Variants in PKIA observed in about 807,000 individuals in gnomAD.
The protein encoded by PKIA is cAMP-dependent protein kinase inhibitor alpha.
PKIA carries 4 observed loss-of-function variants against 7.6 expected under a neutral mutation model. That is an observed-to-expected ratio of 0.52 (90% CI 0.26 to 1.20). The LOEUF (loss-of-function observed/expected upper bound fraction) is 1.20. Among genes scored for constraint, PKIA ranks in the 50% most tolerant of loss-of-function variants. PKIA has a pLI of 0.13. For missense variants in PKIA, 73 were observed against 86.2 expected, an observed-to-expected ratio of 0.85 and a Z score of 0.61; for synonymous variants, 21 against 30.7, an observed-to-expected ratio of 0.68 and a Z score of 1.04.
intron 1 of PKIA, among the ~76,000 whole-genome samples, chr8:78,546,222 AAAATTGCTTCCCCTGAG>A (rs1294142970): frequency 6.6e-6 from 1 of 152,210 alleles, no homozygotes; most frequent in Non-Finnish European, 1.5e-5. Flanking sequence ...TTTGCCTTGC[AAAATTGCTTCCCCTGAG>A]AAATTGCTTC....
intron 2 of PKIA, among the ~76,000 whole-genome samples, chr8:78,593,510 C>T (rs1340595273): frequency 6.6e-6 from 1 of 152,134 alleles, no homozygotes; most frequent in Non-Finnish European, 1.5e-5. Flanking sequence ...CTCCACCTCT[C>T]CTTAAATATT....
At chr8:78,540,606 C>T (rs774148755) in intron 1 of PKIA, among the ~76,000 whole-genome samples, 2 of 151,980 alleles carry the variant, frequency 1.3e-5, no homozygotes, top group Non-Finnish European at 2.9e-5. Flanking sequence ...GCAACTCCTG[C>T]TCTTTTTCCT....
chr8:78,558,571 G>C (rs1807205009), intron 1 of PKIA: 1 of 152,328 alleles, frequency 6.6e-6, no homozygotes, highest in Non-Finnish European at 1.5e-5. Context: ...TCACTATCAC[G>C]AGAACAGCAC....
At chr8:78,548,569 C>G (rs1489658223) in intron 1 of PKIA, among the ~76,000 whole-genome samples, 1 of 152,010 alleles carries the variant, frequency 6.6e-6, no homozygotes, top group Non-Finnish European at 1.5e-5. Flanking sequence ...GATCTAATAG[C>G]TATGTGTTTG....
At chr8:78,601,677 C>T (rs1808350129) in intron 3 of PKIA, 65 bp from the exon 4 acceptor site, 3 of 1,164,274 alleles carry the variant, frequency 2.6e-6, no homozygotes, top group Non-Finnish European at 3.8e-6. Flanking sequence ...GACATATTGA[C>T]AGTTGGTAAA....
chr8:78,582,345 G>A (rs1183851806), intron 2 of PKIA, among the ~76,000 whole-genome samples: 1 of 151,992 alleles, frequency 6.6e-6, no homozygotes, highest in Admixed American at 6.6e-5. Context: ...TAAAATCATG[G>A]TGGAAGGCAC....
chr8:78,590,315 G>C (rs955296966), intron 2 of PKIA, among the ~76,000 whole-genome samples: 1 of 150,880 alleles, frequency 6.6e-6, no homozygotes, highest in Admixed American at 6.6e-5. Flanking sequence ...AAAAAATTGC[G>C]TGGACAAAAG....
chr8:78,536,688 T>C (rs974262065), intron 1 of PKIA, among the ~76,000 whole-genome samples: 1 of 152,062 alleles, frequency 6.6e-6, no homozygotes, highest in South Asian at 2.1e-4. Context: ...TTTTTGAACT[T>C]TGGGAAAGCA....
intron 2 of PKIA, among the ~76,000 whole-genome samples, chr8:78,580,626 A>C (rs1272241559): frequency 1.3e-5 from 2 of 152,048 alleles, no homozygotes; most frequent in Non-Finnish European, 2.9e-5. Flanking sequence ...GGCCACAGCA[A>C]CCACTCAATA....
intron 1 of PKIA, among the ~76,000 whole-genome samples, chr8:78,522,891 T>C (rs1186083869): frequency 1.3e-5 from 2 of 151,948 alleles, no homozygotes; most frequent in African/African-American, 4.8e-5. Flanking sequence ...CTCTTTAATG[T>C]ATTATTTTTA....
intron 2 of PKIA, among the ~76,000 whole-genome samples, chr8:78,597,590 C>CA (rs147136907): frequency 0.027 from 4,040 of 152,238 alleles, 80 homozygotes; most frequent in African/African-American, 0.054. Context: ...TAGCACCCCC[C>CA]ACCTGATCTC....
chr8:78,534,065 A>G (rs1354605654), intron 1 of PKIA: 1 of 152,140 alleles, frequency 6.6e-6, no homozygotes, highest in Non-Finnish European at 1.5e-5. Flanking sequence ...TAATTATCCA[A>G]CTTTATAGTT....
intron 2 of PKIA, among the ~76,000 whole-genome samples, chr8:78,594,002 A>G (rs558974525): frequency 6.6e-6 from 1 of 152,348 alleles, no homozygotes; most frequent in Non-Finnish European, 1.5e-5. Flanking sequence ...ACATATTCTT[A>G]TTTAACAATG....
intron 1 of PKIA, among the ~76,000 whole-genome samples, chr8:78,545,255 A>G (rs1806792920): frequency 1.3e-5 from 2 of 152,222 alleles, no homozygotes; most frequent in South Asian, 4.1e-4. Context: ...ATCTTTTGGA[A>G]TCTTAGAATT....
intron 2 of PKIA, among the ~76,000 whole-genome samples, chr8:78,579,162 C>T (rs1004262828): frequency 2.0e-5 from 3 of 151,972 alleles, no homozygotes; most frequent in Admixed American, 1.3e-4. Context: ...CGTCTTCACC[C>T]TACAGCAAGC....
intron 2 of PKIA, among the ~76,000 whole-genome samples, chr8:78,576,616 A>G (rs974162698): frequency 1.3e-5 from 2 of 152,012 alleles, no homozygotes; most frequent in Non-Finnish European, 2.9e-5. Flanking sequence ...TTAAAATTTC[A>G]GCACCTGGGT....
chr8:78,540,723 G>C (rs1406412002), intron 1 of PKIA, among the ~76,000 whole-genome samples: 3 of 150,074 alleles, frequency 2.0e-5, no homozygotes, highest in East Asian at 3.9e-4. Context: ...TTTTTTTTTA[G>C]ACATTCTGTA....
At chr8:78,540,807 A>C (rs962591600) in intron 1 of PKIA, among the ~76,000 whole-genome samples, 1 of 151,910 alleles carries the variant, frequency 6.6e-6, no homozygotes, top group East Asian at 1.9e-4. Context: ...TATTACATAT[A>C]ATTATTACAT....
chr8:78,571,880 A>C (rs1807558261), intron 1 of PKIA, among the ~76,000 whole-genome samples: 1 of 152,054 alleles, frequency 6.6e-6, no homozygotes. Flanking sequence ...TGTCGCTCCT[A>C]GATTCTAATG....
Sources: allele counts gnomAD v4.1 joint callset (sites outside exome capture counted in the v4.1 genomes callset), GRCh38; gene constraint gnomAD v4.1.1; transcripts MANE v1.5; gene names NCBI Gene and HGNC (gene_info 2026-07-23, HGNC 2026-07-21).